The following NELL1 variants were observed in gnomAD, a reference collection of about 807,000 sequenced individuals.
NELL1 encodes the protein neural EGFL like 1.
A neutral mutation model predicts 107.4 loss-of-function variants in NELL1; 76 were observed. The observed-to-expected ratio is 0.71, with a 90% CI of 0.59 to 0.86. The LOEUF (loss-of-function observed/expected upper bound fraction) is 0.86. Among genes scored for constraint, NELL1 ranks in the 40% least tolerant of loss-of-function variants. NELL1 has a pLI of 0.00. For synonymous variants in NELL1, 353 were observed against 341.2 expected, an observed-to-expected ratio of 1.03 and a Z score of -0.38; for missense variants, 1,024 against 1,005.5, an observed-to-expected ratio of 1.02 and a Z score of -0.25.
intron 13 of NELL1, among the ~76,000 whole-genome samples, chr11:21,143,198 A>T (rs1277213483): frequency 1.3e-5 from 2 of 152,192 alleles, no homozygotes; most frequent in Non-Finnish European, 2.9e-5. Flanking sequence ...ACTTTGCTGT[A>T]ACTCACTGGA....
intron 13 of NELL1, among the ~76,000 whole-genome samples, chr11:21,122,297 A>C (rs1033549056): frequency 6.6e-6 from 1 of 152,132 alleles, no homozygotes; most frequent in Non-Finnish European, 1.5e-5. Context: ...CTTTCTCATA[A>C]AGGAGTTTCA....
chr11:20,959,390 A>C (rs1007223381), intron 11 of NELL1, among the ~76,000 whole-genome samples: 2 of 152,210 alleles, frequency 1.3e-5, no homozygotes. Flanking sequence ...TGATAGCAGC[A>C]CAATTCACAA....
chr11:21,391,893 A>G (rs1240300658), intron 15 of NELL1, among the ~76,000 whole-genome samples: 1 of 151,808 alleles, frequency 6.6e-6, no homozygotes, highest in Non-Finnish European at 1.5e-5. Context: ...AGCTCAGTTT[A>G]CCTATGTGGG....
chr11:20,843,554 TCTG>T (rs1848653775), intron 3 of NELL1, among the ~76,000 whole-genome samples: 1 of 135,362 alleles, frequency 7.4e-6, no homozygotes, highest in South Asian at 2.3e-4. Context: ...ATCTAGCCCT[TCTG>T]TTCTATATAT....
At chr11:21,202,463 G>T (rs1590729473) in intron 13 of NELL1, among the ~76,000 whole-genome samples, 1 of 152,170 alleles carries the variant, frequency 6.6e-6, no homozygotes, top group African/African-American at 2.4e-5. Context: ...TGTGGGATCA[G>T]TGGTGATATC....
chr11:20,699,676 C>T lies in NELL1; in HGVS notation c.184+21616C>T, dbSNP rs190937431. 1.4e-4 allele frequency among the ~76,000 whole-genome samples: 21 copies of T among 152,302 alleles called. No homozygotes were observed. The East Asian group carries it at 2.5e-3, about 18-fold the overall frequency. Reference sequence around the variant, plus strand: ...CCTGGCCACACATTTTCTTTATCTACTCATTGGTAGATGGGCATTTAGGCT... The same window carrying T: ...CCTGGCCACACATTTTCTTTATCTATTCATTGGTAGATGGGCATTTAGGCT... On this transcript the variant is annotated intron_variant, in intron 2 of 19. Coordinates refer to ENST00000357134, the MANE Select transcript of NELL1 (RefSeq NM_006157.5).
intron 14 of NELL1, among the ~76,000 whole-genome samples, chr11:21,360,381 T>G (rs1304997161): frequency 6.6e-6 from 1 of 152,170 alleles, no homozygotes; most frequent in African/African-American, 2.4e-5. Context: ...TTTTTAAAAA[T>G]GTATTGAAAC....
chr11:21,369,798 A>G (rs896946475), intron 14 of NELL1, among the ~76,000 whole-genome samples: 8 of 152,098 alleles, frequency 5.3e-5, no homozygotes, highest in Non-Finnish European at 1.0e-4. Flanking sequence ...TTAGTACTCT[A>G]AATTCTTGGT....
chr11:21,063,099 C>G lies in NELL1; in HGVS notation c.1301-50490C>G, dbSNP rs145074069. Among the ~76,000 whole-genome samples the G allele has an allele frequency of 1.8e-4, 27 of 152,140 alleles. No homozygotes were observed. The East Asian group carries it at 3.9e-3, about 22-fold the overall frequency. ...CTGAGCTCCAGTGATCCCCCTGCCT[C>G]AGACTCCTGAAGTGCTAGGATTACA... is the stretch of plus-strand genomic sequence containing the variant. On this transcript the variant is annotated intron_variant, in intron 12 of 19. Transcript: ENST00000357134.
intron 4 of NELL1, among the ~76,000 whole-genome samples, chr11:20,876,087 A>G (rs992508397): frequency 6.6e-6 from 1 of 152,216 alleles, no homozygotes; most frequent in South Asian, 2.1e-4. Context: ...GCAGACTTCA[A>G]CTGTGTGCCT....
chr11:21,277,541 A>G (rs1216652792), intron 14 of NELL1, among the ~76,000 whole-genome samples: 1 of 152,110 alleles, frequency 6.6e-6, no homozygotes, highest in Non-Finnish European at 1.5e-5. Context: ...CAGCCATCCC[A>G]TTACTGGGTA....
chr11:21,081,391 T>C (rs1333418079), intron 12 of NELL1, among the ~76,000 whole-genome samples: 1 of 152,042 alleles, frequency 6.6e-6, no homozygotes, highest in African/African-American at 2.4e-5. Flanking sequence ...TTCCTTTTTT[T>C]CCCCCCTATA....
chr11:21,003,665 A>G (rs1852271403), intron 12 of NELL1, among the ~76,000 whole-genome samples: 1 of 152,136 alleles, frequency 6.6e-6, no homozygotes, highest in Non-Finnish European at 1.5e-5. Flanking sequence ...GGAAGCTGGA[A>G]GAGATTTTGT....
At chr11:20,885,225 C>A (rs558354023) in intron 4 of NELL1, among the ~76,000 whole-genome samples, 1 of 152,338 alleles carries the variant, frequency 6.6e-6, no homozygotes, top group South Asian at 2.1e-4. Context: ...TCACCTTCTT[C>A]CTCCCTCCCC....
intron 12 of NELL1, among the ~76,000 whole-genome samples, chr11:21,039,496 C>A (rs1853176282): frequency 6.6e-6 from 1 of 152,006 alleles, no homozygotes; most frequent in African/African-American, 2.4e-5. Flanking sequence ...AGGAATTTTT[C>A]TTTTTAAAGT....
At chr11:20,705,247 A>C (rs933758237) in intron 2 of NELL1, among the ~76,000 whole-genome samples, 1 of 152,210 alleles carries the variant, frequency 6.6e-6, no homozygotes, top group Non-Finnish European at 1.5e-5. Flanking sequence ...GCATCACGCT[A>C]CCTGACTTCA....
intron 12 of NELL1, among the ~76,000 whole-genome samples, chr11:21,060,773 C>T (rs1012117395): frequency 1.3e-5 from 2 of 152,230 alleles, no homozygotes; most frequent in African/African-American, 2.4e-5. Context: ...ATGATCTCCG[C>T]TCACTGCAAC....
intron 10 of NELL1, among the ~76,000 whole-genome samples, chr11:20,944,825 A>T (rs1850930289): frequency 6.6e-6 from 1 of 152,196 alleles, no homozygotes; most frequent in African/African-American, 2.4e-5. Flanking sequence ...TTATGATCTT[A>T]CTCATTAAAT....
intron 2 of NELL1, 102 bp from the exon 3 acceptor site, chr11:20,783,578 C>G: frequency 1.4e-6 from 1 of 738,286 alleles, no homozygotes; most frequent in Non-Finnish European, 2.1e-6. Flanking sequence ...TTTCCTCTTC[C>G]TTCTCATCTC....
Sources: allele counts gnomAD v4.1 joint callset (sites outside exome capture counted in the v4.1 genomes callset), GRCh38; gene constraint gnomAD v4.1.1; transcripts MANE v1.5; gene names NCBI Gene and HGNC (gene_info 2026-07-23, HGNC 2026-07-21).